Variants in BRAF observed in about 807,000 individuals in gnomAD.
BRAF encodes the protein serine/threonine-protein kinase B-raf.
BRAF carries 16 observed loss-of-function variants against 104.6 expected under a neutral mutation model. The observed-to-expected ratio is 0.15, with a 90% CI of 0.10 to 0.23. The LOEUF is 0.23. Among genes scored for constraint, BRAF ranks in the 10% least tolerant of loss-of-function variants. BRAF has a pLI of 1.00. For synonymous variants in BRAF, 310 were observed against 341.6 expected (o/e 0.91, Z 1.02); for missense variants, 541 against 937.3 (o/e 0.58, Z 5.52).
chr7:140,749,205 C>T (rs2128994012), intron 17 of BRAF, 82 bp downstream of exon 16: 1 of 1,576,176 alleles, frequency 6.3e-7, no homozygotes, highest in South Asian at 1.1e-5. Flanking sequence ...TCACGCTTAC[C>T]CAGGAGTTAA....
intron 1 of BRAF, among the ~76,000 whole-genome samples, chr7:140,878,733 G>T (rs1440339274): frequency 6.6e-6 from 1 of 152,168 alleles, no homozygotes; most frequent in Non-Finnish European, 1.5e-5. Flanking sequence ...AAAATAGCTA[G>T]AAGAGAACTG....
chr7:140,842,141 T>C (rs879408424), intron 2 of BRAF, among the ~76,000 whole-genome samples: 16 of 152,110 alleles, frequency 1.1e-4, no homozygotes, highest in Non-Finnish European at 1.8e-4. Flanking sequence ...AGGTTCTATA[T>C]AGACTAAAAA....
chr7:140,789,140 C>T (rs578065700), intron 8 of BRAF, among the ~76,000 whole-genome samples: 34 of 151,572 alleles, frequency 2.2e-4, no homozygotes, highest in Non-Finnish European at 3.8e-4. Flanking sequence ...ACCTGTGAGG[C>T]GGAGGTTGCA....
intron 5 of BRAF, among the ~76,000 whole-genome samples, chr7:140,802,490 G>T (rs1803236038): frequency 6.6e-6 from 1 of 151,782 alleles, no homozygotes; most frequent in Admixed American, 6.6e-5. Flanking sequence ...TAGAGGAAGG[G>T]TTTCACCATG....
chr7:140,740,189 C>CTT, intron 17 of BRAF: 1 of 389,378 alleles, frequency 2.6e-6, no homozygotes, highest in Non-Finnish European at 4.4e-6. Context: ...TGCTCCCCTG[C>CTT]TTTTGGTCTC....
chr7:140,854,239 C>T (rs1450124737), intron 1 of BRAF, among the ~76,000 whole-genome samples: 2 of 152,140 alleles, frequency 1.3e-5, no homozygotes, highest in Admixed American at 6.5e-5. Flanking sequence ...CTCGGCAAAA[C>T]TGTTTTCTAA....
chr7:140,813,691 A>T (rs2129050824), intron 3 of BRAF, among the ~76,000 whole-genome samples: 1 of 152,328 alleles, frequency 6.6e-6, no homozygotes, highest in East Asian at 1.9e-4. Flanking sequence ...ATATATAAAA[A>T]ATTATGTATG....
chr7:140,878,675 T>C (rs1812531043), intron 1 of BRAF, among the ~76,000 whole-genome samples: 1 of 152,170 alleles, frequency 6.6e-6, no homozygotes, highest in Non-Finnish European at 1.5e-5. Context: ...GTTCTAGTAT[T>C]TCACAGTATA....
At chr7:140,801,995 G>A (rs1803164675) in intron 5 of BRAF, among the ~76,000 whole-genome samples, 1 of 152,026 alleles carries the variant, frequency 6.6e-6, no homozygotes, top group Admixed American at 6.6e-5. Context: ...CCCAATAGAA[G>A]AACCAAAAAA....
chr7:140,723,824 A>G lies in BRAF; in HGVS notation c.*2670T>C. ...ATACTGTCTATACAATTACTCATAA[A>G]GTGCTTTTCACAAATAAGGACTTCT... On this transcript the variant is annotated 3_prime_UTR_variant, in exon 20 of 20. Transcript: ENST00000644969. 1.9e-6 allele frequency: 2 copies of G among 1,046,574 alleles called. No individual in the cohort carries two copies. Among genetic ancestry groups the G allele is most frequent in the Non-Finnish European group, 2.3e-6 (2 of 867,470 alleles). The allele number at this position is 1,046,574 out of a possible 1,614,324, so 64.8% of individuals were successfully genotyped here.
At chr7:140,736,006 G>A (rs1467604076) in intron 18 of BRAF, among the ~76,000 whole-genome samples, 4 of 151,244 alleles carry the variant, frequency 2.6e-5, no homozygotes, top group Admixed American at 2.6e-4. Flanking sequence ...TGTATAAAGA[G>A]TATAAGGCTC....
At chr7:140,730,126 A>G (rs28541336) in intron 19 of BRAF, among the ~76,000 whole-genome samples, 4,198 of 152,198 alleles carry the variant, frequency 0.028, 200 homozygotes, top group African/African-American at 0.094. Flanking sequence ...CTGCTTTCAC[A>G]AAAAGTATCT....
intron 5 of BRAF, among the ~76,000 whole-genome samples, chr7:140,804,176 C>T (rs772227335): frequency 2.0e-5 from 3 of 151,806 alleles, no homozygotes; most frequent in Non-Finnish European, 2.9e-5. Context: ...CCACCACACT[C>T]GGCCTCTATA....
chr7:140,923,780 G>C (rs887861972), intron 1 of BRAF, among the ~76,000 whole-genome samples: 3 of 152,292 alleles, frequency 2.0e-5, no homozygotes, highest in Non-Finnish European at 4.4e-5. Flanking sequence ...AGCCTCAAGA[G>C]GACCAGGGTA....
rs1197265398 is a variant in BRAF, at chr7:140,919,163, A to G, written c.138+5403T>C. Among the ~76,000 whole-genome samples, 3 of 151,748 alleles carry G rather than the reference A, an allele frequency of 2.0e-5. No homozygotes were observed. In the East Asian group the frequency reaches 5.8e-4, roughly 29 times the overall value. ...CTCCGTCTCAAAAAAAAAAAAAAAA[A>G]AAATTATTATTTACAATGATAGAAT... On this transcript the variant is annotated intron_variant, in intron 1 of 19. Coordinates refer to ENST00000644969, the MANE Select transcript of BRAF (RefSeq NM_001374258.1).
At chr7:140,792,009 G>A (rs1357010046) in intron 8 of BRAF, among the ~76,000 whole-genome samples, 1 of 152,052 alleles carries the variant, frequency 6.6e-6, no homozygotes, top group Non-Finnish European at 1.5e-5. Context: ...CATAACCTAT[G>A]AGTTTTTATG....
chr7:140,813,936 T>C (rs967917575), intron 3 of BRAF, among the ~76,000 whole-genome samples: 19 of 151,646 alleles, frequency 1.3e-4, no homozygotes, highest in Non-Finnish European at 2.1e-4. Context: ...AAGAGTTACC[T>C]AAAAGGTGCA....
intron 2 of BRAF, among the ~76,000 whole-genome samples, chr7:140,844,916 T>C (rs1163518421): frequency 6.7e-6 from 1 of 148,764 alleles, no homozygotes; most frequent in Non-Finnish European, 1.5e-5. Flanking sequence ...TGAGACTCCA[T>C]CTCAAAAAAA....
At chr7:140,886,440 C>G (rs1024286571) in intron 1 of BRAF, among the ~76,000 whole-genome samples, 1 of 152,188 alleles carries the variant, frequency 6.6e-6, no homozygotes, top group Non-Finnish European at 1.5e-5. Flanking sequence ...CTTCCTAGTA[C>G]AGAGTGCAAG....
Sources: gnomAD v4.1 joint callset for allele counts (sites outside exome capture counted in the v4.1 genomes callset) on GRCh38, gnomAD v4.1.1 for gene constraint, MANE v1.5 for transcripts, NCBI Gene and HGNC (gene_info 2026-07-23, HGNC 2026-07-21) for gene names.